The following RSU1 variants were observed in gnomAD, a reference collection of about 807,000 sequenced individuals.
RSU1 encodes the protein Ras suppressor protein 1.
In RSU1, 26 loss-of-function variants were observed where a neutral mutation model predicts 31.1. That is an observed-to-expected ratio of 0.84 (90% confidence interval 0.61 to 1.16). The LOEUF (loss-of-function observed/expected upper bound fraction) is 1.16, where lower values mean the gene tolerates loss of function less well. Ranked by LOEUF, RSU1 falls within the 50% of genes most tolerant of loss-of-function variation. The pLI, the probability that RSU1 is intolerant of heterozygous loss-of-function variation, is 0.00. For missense variants in RSU1, 320 were observed against 339.1 expected, an observed-to-expected ratio of 0.94 and a Z score of 0.44; for synonymous variants, 164 against 136.3, an observed-to-expected ratio of 1.20 and a Z score of -1.41.
At chr10:16,662,547 C>T (rs971410751) in intron 8 of RSU1, among the ~76,000 whole-genome samples, 6 of 152,104 alleles carry the variant, frequency 3.9e-5, no homozygotes, top group Admixed American at 1.3e-4. Flanking sequence ...CTACTTTAAC[C>T]CTGATGGACT....
chr10:16,607,456 G>A (rs571068227), intron 8 of RSU1, among the ~76,000 whole-genome samples: 1 of 152,344 alleles, frequency 6.6e-6, no homozygotes, highest in African/African-American at 2.4e-5. Context: ...AGAGAATGGT[G>A]AATTGGAATT....
chr10:16,690,399 A>G (rs1835522710), intron 8 of RSU1, among the ~76,000 whole-genome samples: 1 of 152,158 alleles, frequency 6.6e-6, no homozygotes, highest in Non-Finnish European at 1.5e-5. Flanking sequence ...AAGGCACGAA[A>G]GATGAAGAGA....
intron 8 of RSU1, among the ~76,000 whole-genome samples, chr10:16,627,987 T>C (rs970001707): frequency 9.9e-5 from 15 of 152,120 alleles, no homozygotes; most frequent in Non-Finnish European, 1.5e-4. Context: ...ACCAGCGATG[T>C]TGAAGGGCAC....
chr10:16,789,279 AT>A (rs775510061), intron 2 of RSU1, among the ~76,000 whole-genome samples: 5 of 152,210 alleles, frequency 3.3e-5, no homozygotes, highest in Non-Finnish European at 7.3e-5. Context: ...ACTAGAATGT[AT>A]TTTTCTTTCT....
Position 16,591,779 on chromosome 10 carries a change from A to C in RSU1, c.*1615T>G, listed in dbSNP as rs931711817. 6.6e-6 allele frequency: 1 copy of C among 152,076 alleles called. No individual in the cohort carries two copies. The highest frequency in any genetic ancestry group is 1.5e-5 in the Non-Finnish European group (1 of 67,988). The allele number at this position is 152,076 out of a possible 1,614,324, so 9.4% of individuals were successfully genotyped here. On this transcript the variant is annotated 3_prime_UTR_variant, in exon 9 of 9. Coordinates refer to ENST00000345264, the MANE Select transcript of RSU1 (RefSeq NM_012425.4). ...TTTCTTGCTGGTTTAATTTTAGGTT[A>C]AGTCTTTCCTATCCACAACAGCAAA... is the stretch of plus-strand genomic sequence containing the variant.
At chr10:16,601,469 T>C (rs1367083015) in intron 8 of RSU1, among the ~76,000 whole-genome samples, 1 of 152,218 alleles carries the variant, frequency 6.6e-6, no homozygotes, top group Non-Finnish European at 1.5e-5. Context: ...AGCTGTTTTA[T>C]GGTACCTCAT....
chr10:16,662,385 T>C (rs1834905407), intron 8 of RSU1, among the ~76,000 whole-genome samples: 3 of 152,228 alleles, frequency 2.0e-5, no homozygotes, highest in African/African-American at 7.2e-5. Flanking sequence ...TGTGTTTCTT[T>C]GAGATACACA....
rs144949988 is a variant in RSU1, at chr10:16,805,927, T to C, written c.109+11046A>G. Among the ~76,000 whole-genome samples, 466 of 152,214 alleles carry C rather than the reference T, an allele frequency of 3.1e-3. 1 individual carries two copies. The highest frequency in any genetic ancestry group is 4.5e-3 in the Non-Finnish European group (308 of 68,016). On this transcript the variant is annotated intron_variant, in intron 2 of 8. Coordinates refer to ENST00000345264, the MANE Select transcript of RSU1 (RefSeq NM_012425.4). ...AAAAGCCTTGCATTCTGTTATGTATTTCCATTGGAACTACCAGTATAAGCT... is the reference window on the plus strand; with the variant it reads ...AAAAGCCTTGCATTCTGTTATGTATCTCCATTGGAACTACCAGTATAAGCT...
chr10:16,598,862 G>C (rs1428891514), intron 8 of RSU1, among the ~76,000 whole-genome samples: 1 of 152,240 alleles, frequency 6.6e-6, no homozygotes, highest in East Asian at 1.9e-4. Context: ...GGGCCTGACA[G>C]GGTGGCCTGT....
intron 8 of RSU1, among the ~76,000 whole-genome samples, chr10:16,669,562 A>C (rs972999464): frequency 1.1e-4 from 16 of 152,192 alleles, no homozygotes; most frequent in Non-Finnish European, 1.2e-4. Flanking sequence ...CATCTACAAA[A>C]GCTGCCATTT....
Position 16,637,824 on chromosome 10 carries a change from A to G in RSU1, c.732-44328T>C, listed in dbSNP as rs929522299. 4.7e-5 allele frequency among the ~76,000 whole-genome samples: 7 copies of G among 149,482 alleles called. No individual in the cohort carries two copies. The South Asian group carries it at 1.3e-3, about 27-fold the overall frequency. On this transcript the variant is annotated intron_variant, in intron 8 of 8. Transcript: ENST00000345264. ...CTGCAATTAGTAATATGGATCCTCAAAAAAAAAAAAAGTGATTTTCCTAGC... is the reference window on the plus strand; with the variant it reads ...CTGCAATTAGTAATATGGATCCTCAGAAAAAAAAAAAGTGATTTTCCTAGC...
chr10:16,701,895 C>T (rs2131571491), intron 7 of RSU1, among the ~76,000 whole-genome samples: 1 of 152,346 alleles, frequency 6.6e-6, no homozygotes, highest in African/African-American at 2.4e-5. Flanking sequence ...CAACAGTCAC[C>T]TCCAAGGTTG....
intron 7 of RSU1, among the ~76,000 whole-genome samples, chr10:16,723,609 C>T (rs1836325850): frequency 6.6e-6 from 1 of 152,172 alleles, no homozygotes; most frequent in Admixed American, 6.5e-5. Context: ...AAGCTAGTCG[C>T]ATACTATAGT....
intron 3 of RSU1, among the ~76,000 whole-genome samples, chr10:16,765,051 ATGAG>A (rs1837286174): frequency 6.6e-6 from 1 of 152,158 alleles, no homozygotes; most frequent in Non-Finnish European, 1.5e-5. Flanking sequence ...GTCTATAAAA[ATGAG>A]TATTATGAAG....
In RSU1 at chr10:16,698,450, A is replaced by G. The variant is rs577571687; in HGVS notation, c.599-3295T>C. Among the ~76,000 whole-genome samples the G allele has an allele frequency of 1.1e-3, 164 of 152,334 alleles. No individual in the cohort carries two copies. In the South Asian group the frequency reaches 0.03, roughly 28 times the overall value. On this transcript the variant is annotated intron_variant, in intron 7 of 8. Coordinates refer to ENST00000345264, the MANE Select transcript of RSU1 (RefSeq NM_012425.4). ...CACAGCCTCTTGTTAACTTATTAAC[A>G]GCATCTTACTAAGTGTGCAGTCTTT...
chr10:16,671,961 G>A (rs1444532151), intron 8 of RSU1, among the ~76,000 whole-genome samples: 2 of 150,914 alleles, frequency 1.3e-5, no homozygotes. Context: ...TTGTATATCA[G>A]ATAATCCAGG....
chr10:16,783,092 T>G (rs1357467496), intron 2 of RSU1, among the ~76,000 whole-genome samples: 1 of 151,880 alleles, frequency 6.6e-6, no homozygotes, highest in African/African-American at 2.4e-5. Flanking sequence ...GTATTTTTTG[T>G]AGAGATGTGG....
chr10:16,640,004 C>G (rs997734659), intron 8 of RSU1, among the ~76,000 whole-genome samples: 12 of 152,024 alleles, frequency 7.9e-5, no homozygotes, highest in African/African-American at 2.9e-4. Context: ...TAATGGGAAC[C>G]GATCTAGCAT....
At chr10:16,712,911 G>A (rs917369897) in intron 7 of RSU1, among the ~76,000 whole-genome samples, 3 of 152,100 alleles carry the variant, frequency 2.0e-5, no homozygotes, top group Non-Finnish European at 4.4e-5. Flanking sequence ...CTCAGCCTTT[G>A]CTTGTCTGAA....
Sources: allele counts gnomAD v4.1 joint callset (sites outside exome capture counted in the v4.1 genomes callset), GRCh38; gene constraint gnomAD v4.1.1; transcripts MANE v1.5; gene names NCBI Gene and HGNC (gene_info 2026-07-23, HGNC 2026-07-21).